Variants in SORCS1 observed in about 807,000 individuals in gnomAD.
SORCS1 encodes VPS10 domain-containing receptor SorCS1.
A neutral mutation model predicts 146.1 loss-of-function variants in SORCS1; 60 were observed. The ratio of observed to expected loss-of-function variants is 0.41; its 90% CI spans 0.33 to 0.51. The LOEUF (loss-of-function observed/expected upper bound fraction) is 0.51. SORCS1 is among the 20% of genes least tolerant of loss of function. The pLI is 0.21. For synonymous variants in SORCS1, 637 were observed against 584.0 expected (o/e 1.09, Z -1.31); for missense variants, 1,352 against 1,487.6 (o/e 0.91, Z 1.50).
chr10:106,927,995 T>C (rs1347827753), intron 2 of SORCS1, among the ~76,000 whole-genome samples: 1 of 152,218 alleles, frequency 6.6e-6, no homozygotes, highest in Non-Finnish European at 1.5e-5. Flanking sequence ...TAGCTAGACA[T>C]AAAGGTTCTG....
At chr10:106,904,050 A>T (rs1951821396) in intron 2 of SORCS1, among the ~76,000 whole-genome samples, 1 of 152,238 alleles carries the variant, frequency 6.6e-6, no homozygotes, top group African/African-American at 2.4e-5. Context: ...TGAAACAGAG[A>T]TAAATTAATT....
At position 107,039,927 on chromosome 10, in the gene SORCS1, T is replaced by C. The variant is rs56362941; in HGVS notation, c.559-83347A>G. ...AAGTTCAAGACCAATCTGGACAACA[T>C]AGTGAGGCCCCATTTCTACCTAAAA... On this transcript the variant is annotated intron_variant, in intron 1 of 25. Transcript: ENST00000263054. 3.9e-3 allele frequency among the ~76,000 whole-genome samples: 600 copies of C among 152,118 alleles called. 3 individuals carry two copies. The highest frequency in any genetic ancestry group is 0.014 in the African/African-American group (565 of 41,520).
intron 1 of SORCS1, among the ~76,000 whole-genome samples, chr10:107,029,082 T>C (rs1244330087): frequency 6.6e-6 from 1 of 152,234 alleles, no homozygotes; most frequent in Non-Finnish European, 1.5e-5. Flanking sequence ...TTTGCTTTAG[T>C]GGGAAGATTA....
At chr10:106,711,801 G>C (rs1334503659) in intron 6 of SORCS1, among the ~76,000 whole-genome samples, 1 of 152,118 alleles carries the variant, frequency 6.6e-6, no homozygotes, top group African/African-American at 2.4e-5. Context: ...CAGTTTCTGG[G>C]ACTATCCCTT....
chr10:107,014,230 CCAGA>C (rs1323580471), intron 1 of SORCS1, among the ~76,000 whole-genome samples: 18 of 137,946 alleles, frequency 1.3e-4, no homozygotes, highest in African/African-American at 4.8e-4. Context: ...CCAGCCTGGA[CCAGA>C]CAGAGGGAGA....
chr10:106,790,729 T>G (rs1278291603), intron 3 of SORCS1, among the ~76,000 whole-genome samples: 2 of 152,164 alleles, frequency 1.3e-5, no homozygotes, highest in Non-Finnish European at 1.5e-5. Context: ...AATAAAAGAA[T>G]GAAGACAAAG....
intron 3 of SORCS1, among the ~76,000 whole-genome samples, chr10:106,805,297 T>G (rs911611694): frequency 2.6e-5 from 4 of 151,978 alleles, no homozygotes; most frequent in Admixed American, 6.6e-5. Flanking sequence ...CCAGGGAGAT[T>G]TGAAAGGATT....
chr10:106,671,503 A>G (rs931554412), intron 15 of SORCS1, 136 bp from the exon 16 acceptor site: 2 of 1,281,138 alleles, frequency 1.6e-6, no homozygotes, highest in Non-Finnish European at 2.2e-6. Flanking sequence ...TGCTAACAAC[A>G]TTTTCCTTTT....
At chr10:106,817,592 G>C (rs765093132) in intron 3 of SORCS1, among the ~76,000 whole-genome samples, 11 of 152,022 alleles carry the variant, frequency 7.2e-5, no homozygotes, top group Non-Finnish European at 2.9e-5. Flanking sequence ...TTACATAAAC[G>C]ATCTATCAAA....
At chr10:106,834,889 A>C (rs1289830361) in intron 2 of SORCS1, among the ~76,000 whole-genome samples, 2 of 152,246 alleles carry the variant, frequency 1.3e-5, no homozygotes, top group East Asian at 3.8e-4. Context: ...GTGCCAGAAG[A>C]AGCTAAAAGC....
At chr10:106,939,964 T>A (rs966705398) in intron 2 of SORCS1, among the ~76,000 whole-genome samples, 3 of 152,210 alleles carry the variant, frequency 2.0e-5, no homozygotes, top group Non-Finnish European at 4.4e-5. Flanking sequence ...GTGTCCTGTT[T>A]CCTAAAGTGA....
At chr10:106,663,573 A>T (rs1461443375) in intron 17 of SORCS1, among the ~76,000 whole-genome samples, 1 of 152,226 alleles carries the variant, frequency 6.6e-6, no homozygotes, top group East Asian at 1.9e-4. Context: ...GAATCTGCTT[A>T]TAAAATACCA....
intron 2 of SORCS1, among the ~76,000 whole-genome samples, chr10:106,913,079 A>G (rs1236254955): frequency 6.6e-6 from 1 of 151,874 alleles, no homozygotes; most frequent in Non-Finnish European, 1.5e-5. Context: ...CTGCAAAGAA[A>G]AAAAAAAAAC....
intron 2 of SORCS1, among the ~76,000 whole-genome samples, chr10:106,874,523 ACAAT>A (rs1324862627): frequency 2.0e-5 from 3 of 152,226 alleles, no homozygotes; most frequent in Admixed American, 6.5e-5. Context: ...AGCATAAGAG[ACAAT>A]CAATCCAACC....
intron 2 of SORCS1, among the ~76,000 whole-genome samples, chr10:106,906,169 C>T (rs1422608458): frequency 6.6e-6 from 1 of 152,212 alleles, no homozygotes; most frequent in Non-Finnish European, 1.5e-5. Context: ...GGCTGGAGGG[C>T]ACTGGCATGC....
intron 2 of SORCS1, among the ~76,000 whole-genome samples, chr10:106,878,620 G>GTA (rs3982430): frequency 0.025 from 2,145 of 84,860 alleles, 113 homozygotes; most frequent in East Asian, 0.062. Context: ...AAACTACCTA[G>GTA]TATATATATA....
intron 7 of SORCS1, among the ~76,000 whole-genome samples, chr10:106,708,245 GGTGTGTGTGT>G (rs58427067): frequency 1.3e-5 from 2 of 148,698 alleles, no homozygotes; most frequent in East Asian, 2.0e-4. Context: ...ATAAAGAAAT[GGTGTGTGTGT>G]GTGTGTGTGT....
At chr10:106,612,111 G>T in intron 21 of SORCS1, 88 bp from the exon 22 acceptor site, 3 of 1,033,642 alleles carry the variant, frequency 2.9e-6, no homozygotes, top group South Asian at 3.1e-5. Context: ...CAAAATGGAG[G>T]GTCCTTCCCC....
At chr10:106,641,422 C>T (rs542672937) in intron 18 of SORCS1, among the ~76,000 whole-genome samples, 4 of 152,256 alleles carry the variant, frequency 2.6e-5, no homozygotes, top group African/African-American at 9.6e-5. Flanking sequence ...ATAAGAAGTG[C>T]TCCTCTTTGC....
Sources: gnomAD v4.1 joint callset for allele counts (sites outside exome capture counted in the v4.1 genomes callset) on GRCh38, gnomAD v4.1.1 for gene constraint, MANE v1.5 for transcripts, NCBI Gene and HGNC (gene_info 2026-07-23, HGNC 2026-07-21) for gene names.